Variants in NBAS observed in about 807,000 individuals in gnomAD.
NBAS encodes the protein NBAS subunit of NRZ tethering complex.
In NBAS, 219 loss-of-function variants were observed where a neutral mutation model predicts 302.5. The ratio of observed to expected loss-of-function variants is 0.72; its 90% CI spans 0.65 to 0.81. The LOEUF (loss-of-function observed/expected upper bound fraction) is 0.81, where lower values mean the gene tolerates loss of function less well. Among genes scored for constraint, NBAS ranks in the 30% least tolerant of loss-of-function variants. NBAS has a pLI of 0.00. For missense variants in NBAS, 2,932 were observed against 2,841.6 expected (o/e 1.03, Z -0.72); for synonymous variants, 1,118 against 1,021.6 (o/e 1.09, Z -1.80).
the NBAS span, among the ~76,000 whole-genome samples, chr2:14,886,189 T>C: frequency 1.4e-5 from 2 of 138,064 alleles, no homozygotes; most frequent in Non-Finnish European, 3.0e-5. Context: ...AGCCCTGACC[T>C]CCATAATTCC....
At chr2:15,457,583 G>A (rs1057016986) in intron 21 of NBAS, among the ~76,000 whole-genome samples, 3 of 152,150 alleles carry the variant, frequency 2.0e-5, no homozygotes, top group East Asian at 1.9e-4. Context: ...CTACTGCTTC[G>A]TAAAGCATCC....
chr2:15,434,686 G>C (rs1285874626), intron 21 of NBAS, among the ~76,000 whole-genome samples: 1 of 152,088 alleles, frequency 6.6e-6, no homozygotes, highest in Non-Finnish European at 1.5e-5. Flanking sequence ...ACTTAAAATT[G>C]ATTAACTACA....
At chr2:15,147,501 G>A in the NBAS span, among the ~76,000 whole-genome samples, 3 of 152,234 alleles carry the variant, frequency 2.0e-5, no homozygotes, top group Admixed American at 6.5e-5. Context: ...GCTGAGGCAG[G>A]AGAATCGCTT....
intron 15 of NBAS, among the ~76,000 whole-genome samples, chr2:15,473,652 T>C (rs1680057396): frequency 1.3e-5 from 2 of 152,156 alleles, no homozygotes; most frequent in Admixed American, 6.5e-5. Flanking sequence ...ACCACGACAT[T>C]GCAAGAACAG....
chr2:15,531,238 A>G (rs2148675129), intron 9 of NBAS, among the ~76,000 whole-genome samples: 1 of 152,328 alleles, frequency 6.6e-6, no homozygotes, highest in East Asian at 1.9e-4. Context: ...AATCTAAGGA[A>G]CAGGTCACGC....
chr2:14,861,431 A>C, the NBAS span, among the ~76,000 whole-genome samples: 2 of 152,214 alleles, frequency 1.3e-5, no homozygotes, highest in Non-Finnish European at 2.9e-5. Flanking sequence ...AAGAACAGGA[A>C]GTCTTGACAC....
the NBAS span, among the ~76,000 whole-genome samples, chr2:15,061,584 G>C: frequency 6.6e-6 from 1 of 152,146 alleles, no homozygotes; most frequent in Non-Finnish European, 1.5e-5. Context: ...ATGGTGGTTG[G>C]GGTACTAATC....
At chr2:15,313,460 A>T (rs1671367203) in intron 38 of NBAS, among the ~76,000 whole-genome samples, 1 of 152,230 alleles carries the variant, frequency 6.6e-6, no homozygotes, top group Non-Finnish European at 1.5e-5. Flanking sequence ...ATCTGTAAAG[A>T]CAGGAAACAG....
At chr2:14,975,482 A>T in the NBAS span, among the ~76,000 whole-genome samples, 1 of 152,210 alleles carries the variant, frequency 6.6e-6, no homozygotes, top group Non-Finnish European at 1.5e-5. Context: ...ATTCTTATTC[A>T]CATGACAGCT....
At chr2:15,474,459 T>C in intron 14 of NBAS, 135 bp from the exon 15 acceptor site, 1 of 952,218 alleles carries the variant, frequency 1.1e-6, no homozygotes, top group South Asian at 1.8e-5. Flanking sequence ...AGATTAACAA[T>C]GGAACTCAAA....
the NBAS span, among the ~76,000 whole-genome samples, chr2:14,930,676 G>A: frequency 6.6e-6 from 1 of 152,166 alleles, no homozygotes; most frequent in African/African-American, 2.4e-5. Flanking sequence ...CAATAAACCT[G>A]AGTATTTTCT....
intron 42 of NBAS, among the ~76,000 whole-genome samples, chr2:15,281,311 T>C (rs1323809096): frequency 1.3e-5 from 2 of 152,200 alleles, no homozygotes; most frequent in Non-Finnish European, 2.9e-5. Context: ...AAAACAGTTT[T>C]AAGAAACACT....
chr2:15,039,416 G>T, the NBAS span, among the ~76,000 whole-genome samples: 1 of 152,146 alleles, frequency 6.6e-6, no homozygotes, highest in Non-Finnish European at 1.5e-5. Context: ...TAAAGAAATT[G>T]TTCCATATGA....
At chr2:15,467,203 A>G (rs1407352541) in intron 19 of NBAS, 126 bp downstream of exon 19, 5 of 737,114 alleles carry the variant, frequency 6.8e-6, no homozygotes, top group African/African-American at 1.8e-5. Context: ...ACTTGCTTCT[A>G]TAAGAAATTA....
chr2:14,857,716 C>T, the NBAS span, among the ~76,000 whole-genome samples: 1 of 152,086 alleles, frequency 6.6e-6, no homozygotes. Flanking sequence ...AACTATGGAA[C>T]TACTGAAAGA....
At chr2:15,175,534 C>T (rs1237580875) in intron 51 of NBAS, among the ~76,000 whole-genome samples, 1 of 152,200 alleles carries the variant, frequency 6.6e-6, no homozygotes, top group Non-Finnish European at 1.5e-5. Flanking sequence ...TCAAACACAT[C>T]AGCAGCATTG....
chr2:15,351,895 CACACACACA>C, intron 35 of NBAS, 88 bp downstream of exon 35: 2 of 658,832 alleles, frequency 3.0e-6, no homozygotes, highest in Non-Finnish European at 5.5e-6. Flanking sequence ...CACACACACA[CACACACACA>C]AAACCCCTCT....
At chr2:15,553,274 T>C (rs897957291) in intron 5 of NBAS, 152 bp downstream of exon 5, 2 of 693,726 alleles carry the variant, frequency 2.9e-6, no homozygotes, top group Admixed American at 2.6e-5. Context: ...ATTTTTTAAC[T>C]GGCGTAAGTT....
At chr2:15,338,257 G>C (rs1243564492) in intron 35 of NBAS, among the ~76,000 whole-genome samples, 1 of 152,132 alleles carries the variant, frequency 6.6e-6, no homozygotes, top group East Asian at 1.9e-4. Context: ...ACTGTAAACT[G>C]AGCTGTTGGC....
Sources: gnomAD v4.1 joint callset for allele counts (sites outside exome capture counted in the v4.1 genomes callset) on GRCh38, gnomAD v4.1.1 for gene constraint, MANE v1.5 for transcripts, NCBI Gene and HGNC (gene_info 2026-07-23, HGNC 2026-07-21) for gene names.